PTPRT: variants seen among roughly 807,000 people sequenced by gnomAD.
PTPRT encodes protein tyrosine phosphatase receptor type T.
In PTPRT, 56 loss-of-function variants were observed where a neutral mutation model predicts 176.8. The observed-to-expected ratio is 0.32, with a 90% CI of 0.26 to 0.40. The LOEUF (loss-of-function observed/expected upper bound fraction) is 0.40. PTPRT is among the 10% of genes least tolerant of loss of function. The pLI is 1.00. For synonymous variants in PTPRT, 783 were observed against 739.0 expected, an observed-to-expected ratio of 1.06 and a Z score of -0.96; for missense variants, 1,540 against 1,908.2, an observed-to-expected ratio of 0.81 and a Z score of 3.60.
At chr20:42,931,682 G>A (rs1251716955) in intron 1 of PTPRT, among the ~76,000 whole-genome samples, 2 of 152,206 alleles carry the variant, frequency 1.3e-5, no homozygotes, top group Middle Eastern at 3.2e-3. Flanking sequence ...AATACATGCC[G>A]CTGCAAGATC....
intron 1 of PTPRT, among the ~76,000 whole-genome samples, chr20:43,116,876 C>T (rs2013081047): frequency 1.3e-5 from 2 of 151,976 alleles, no homozygotes; most frequent in Non-Finnish European, 2.9e-5. Flanking sequence ...ATAGCTCTTG[C>T]AACAAAAAAA....
intron 7 of PTPRT, among the ~76,000 whole-genome samples, chr20:42,645,536 G>C (rs2074872587): frequency 6.6e-6 from 1 of 152,038 alleles, no homozygotes; most frequent in Admixed American, 6.5e-5. Flanking sequence ...ACCCAAATCA[G>C]GATCTGTTTT....
At chr20:42,813,140 T>G (rs185519642) in intron 2 of PTPRT, among the ~76,000 whole-genome samples, 22 of 152,302 alleles carry the variant, frequency 1.4e-4, no homozygotes, top group Non-Finnish European at 2.6e-4. Context: ...TATGGGCTCT[T>G]TAATCCTATT....
At chr20:42,240,718 C>CCATCCATCCATGCATCCATCCAT (rs1355957406) in intron 14 of PTPRT, among the ~76,000 whole-genome samples, 3 of 46,048 alleles carry the variant, frequency 6.5e-5, no homozygotes, top group Non-Finnish European at 1.6e-4. Flanking sequence ...ATCCATCCAT[C>CCATCCATCCATGCATCCATCCAT]CCATCCATCC....
At chr20:42,610,128 A>G (rs2073949374) in intron 7 of PTPRT, among the ~76,000 whole-genome samples, 1 of 152,178 alleles carries the variant, frequency 6.6e-6, no homozygotes, top group African/African-American at 2.4e-5. Context: ...TTGCAATGTG[A>G]TACACAGACT....
At chr20:42,956,567 A>T (rs868140282) in intron 1 of PTPRT, among the ~76,000 whole-genome samples, 1 of 151,836 alleles carries the variant, frequency 6.6e-6, no homozygotes, top group East Asian at 1.9e-4. Context: ...CAGAACCAGG[A>T]GCCAATTAAA....
chr20:42,248,546 G>T, intron 14 of PTPRT, 141 bp downstream of exon 14: 1 of 1,143,592 alleles, frequency 8.7e-7, no homozygotes, highest in Non-Finnish European at 1.2e-6. Context: ...AACCACAGCC[G>T]GCCCATGTAT....
intron 12 of PTPRT, among the ~76,000 whole-genome samples, chr20:42,299,641 CTTTTTTTTT>C (rs34045854): frequency 3.5e-5 from 3 of 85,994 alleles, no homozygotes; most frequent in East Asian, 3.9e-4. Context: ...GAACTTTTGC[CTTTTTTTTT>C]TTTTTTTTTT....
In PTPRT at chr20:42,677,954, C is replaced by G. The variant is rs2146065619; in HGVS notation, c.1065G>C (p.Glu355Asp). The change falls in exon 7 of 31, where the codon GAG becomes GAC. Residue 355 changes from glutamate (E) to aspartate (D), a missense_variant. By Grantham distance (45) the Glu-to-Asp change is conservative. Transcript: ENST00000373187. ...GTGTGAGGAGCACTCGGATCTCATA[C>G]TCAACATCGGGGTCCAGATGCCACA... ...YKLWHLDPDV[E>D]YEIRVLLTRP... The G allele has an allele frequency of 6.2e-7, 1 of 1,614,182 alleles. No individual in the cohort carries two copies. Among genetic ancestry groups the G allele is most frequent in the Non-Finnish European group, 8.5e-7 (1 of 1,180,032 alleles).
At chr20:42,537,975 GA>G (rs1416328729) in intron 7 of PTPRT, among the ~76,000 whole-genome samples, 3 of 152,068 alleles carry the variant, frequency 2.0e-5, no homozygotes, top group African/African-American at 7.2e-5. Context: ...TAGTAATAAT[GA>G]AGATAGTTAT....
chr20:42,948,336 C>T (rs552439033), intron 1 of PTPRT, among the ~76,000 whole-genome samples: 1 of 152,230 alleles, frequency 6.6e-6, no homozygotes, highest in Non-Finnish European at 1.5e-5. Context: ...CTAGGAACAC[C>T]CGGTTCATCC....
At chr20:42,997,243 C>G (rs1300839731) in intron 1 of PTPRT, among the ~76,000 whole-genome samples, 1 of 152,154 alleles carries the variant, frequency 6.6e-6, no homozygotes, top group East Asian at 1.9e-4. Flanking sequence ...TTCTCCTCCC[C>G]CTTGAACCTG....
intron 18 of PTPRT, among the ~76,000 whole-genome samples, chr20:42,134,643 A>T (rs540798343): frequency 5.8e-4 from 89 of 152,314 alleles, no homozygotes; most frequent in African/African-American, 2.0e-3. Context: ...AATGTTTAAC[A>T]TACAGCTCCC....
chr20:42,797,784 T>G (rs2077473677), intron 2 of PTPRT, among the ~76,000 whole-genome samples: 1 of 151,484 alleles, frequency 6.6e-6, no homozygotes, highest in Non-Finnish European at 1.5e-5. Flanking sequence ...GCCAGGAGAG[T>G]CAGAATCACA....
chr20:42,579,609 T>A (rs2073333939), intron 7 of PTPRT, among the ~76,000 whole-genome samples: 1 of 152,190 alleles, frequency 6.6e-6, no homozygotes, highest in Non-Finnish European at 1.5e-5. Context: ...TTCTAACTGG[T>A]GTGAGATGGT....
intron 9 of PTPRT, among the ~76,000 whole-genome samples, chr20:42,387,191 A>C (rs2058752830): frequency 6.6e-6 from 1 of 152,220 alleles, no homozygotes; most frequent in Non-Finnish European, 1.5e-5. Context: ...GGTACCTATA[A>C]ATATCATTCC....
chr20:42,689,168 T>C (rs2075750546), intron 6 of PTPRT, among the ~76,000 whole-genome samples: 1 of 152,190 alleles, frequency 6.6e-6, no homozygotes, highest in Non-Finnish European at 1.5e-5. Context: ...TGGCCCACCA[T>C]ACCTCCAATC....
intron 2 of PTPRT, among the ~76,000 whole-genome samples, chr20:42,872,015 G>A (rs1232529386): frequency 1.3e-5 from 2 of 152,186 alleles, no homozygotes; most frequent in Admixed American, 1.3e-4. Context: ...CTTGTTCATA[G>A]CTTTCACAAG....
chr20:43,058,803 C>T (rs911641237), intron 1 of PTPRT, among the ~76,000 whole-genome samples: 1 of 150,504 alleles, frequency 6.6e-6, no homozygotes, highest in Non-Finnish European at 1.5e-5. Flanking sequence ...TACACCAAGA[C>T]TAAGAAAACC....
Sources: allele counts gnomAD v4.1 joint callset (sites outside exome capture counted in the v4.1 genomes callset), GRCh38; gene constraint gnomAD v4.1.1; transcripts MANE v1.5; gene names NCBI Gene and HGNC (gene_info 2026-07-23, HGNC 2026-07-21).